Variants in SCHIP1 observed in about 807,000 individuals in gnomAD.
SCHIP1 encodes schwannomin interacting protein 1.
A neutral mutation model predicts 29.7 loss-of-function variants in SCHIP1; 8 were observed. The observed-to-expected ratio is 0.27, with a 90% CI of 0.16 to 0.49. The LOEUF is 0.49. Among genes scored for constraint, SCHIP1 ranks in the 20% least tolerant of loss-of-function variants. SCHIP1 has a pLI of 0.99. For synonymous variants in SCHIP1, 76 were observed against 94.9 expected (o/e 0.80, Z 1.16); for missense variants, 193 against 294.6 (o/e 0.66, Z 2.52).
At chr3:159,771,137 C>T in the SCHIP1 span, among the ~76,000 whole-genome samples, 1 of 152,184 alleles carries the variant, frequency 6.6e-6, no homozygotes, top group East Asian at 1.9e-4. Flanking sequence ...ACCTACATTT[C>T]TTCCTAGAAT....
chr3:159,681,581 A>G, the SCHIP1 span, among the ~76,000 whole-genome samples: 1 of 152,218 alleles, frequency 6.6e-6, no homozygotes, highest in Non-Finnish European at 1.5e-5. Context: ...AACATTACCC[A>G]TATTACCTTA....
the SCHIP1 span, among the ~76,000 whole-genome samples, chr3:159,446,273 A>G: frequency 1.3e-5 from 2 of 152,130 alleles, no homozygotes; most frequent in Admixed American, 1.3e-4. Flanking sequence ...GGTATCTCTC[A>G]GGCAATAAAC....
intron 1 of SCHIP1, among the ~76,000 whole-genome samples, chr3:159,842,997 CTTTCTT>C (rs1423429109): frequency 0.053 from 3,264 of 61,540 alleles, 337 homozygotes; most frequent in Middle Eastern, 0.1. Context: ...CCCAATATTT[CTTTCTT>C]TTTTTTTTTT....
the SCHIP1 span, among the ~76,000 whole-genome samples, chr3:159,529,843 G>A: frequency 6.6e-6 from 1 of 152,084 alleles, no homozygotes; most frequent in Non-Finnish European, 1.5e-5. Context: ...ACATATGAGT[G>A]AGAGCATGAA....
the SCHIP1 span, among the ~76,000 whole-genome samples, chr3:159,402,258 G>A: frequency 0.034 from 5,213 of 151,974 alleles, 114 homozygotes; most frequent in East Asian, 0.1. Flanking sequence ...TTAGAATGGC[G>A]ATCGTTAAAA....
At chr3:159,805,299 C>T in the SCHIP1 span, among the ~76,000 whole-genome samples, 114,059 of 152,106 alleles carry the variant, frequency 0.75, 43,732 homozygotes, top group East Asian at 0.99. Context: ...ACTGGGGCTC[C>T]TAGCCTGACT....
chr3:159,508,057 T>G, the SCHIP1 span, among the ~76,000 whole-genome samples: 1 of 152,210 alleles, frequency 6.6e-6, no homozygotes, highest in African/African-American at 2.4e-5. Flanking sequence ...AGCTCCTCCT[T>G]GTACCTCTGG....
At chr3:159,314,766 T>C in the SCHIP1 span, among the ~76,000 whole-genome samples, 1 of 152,224 alleles carries the variant, frequency 6.6e-6, no homozygotes, top group Admixed American at 6.5e-5. Context: ...CGAGCAATAG[T>C]AAATTTCTTT....
At chr3:159,287,623 C>T in the SCHIP1 span, among the ~76,000 whole-genome samples, 11 of 152,040 alleles carry the variant, frequency 7.2e-5, no homozygotes, top group Admixed American at 5.2e-4. Context: ...ATATGCTAAG[C>T]GTTCGTCTAA....
At chr3:159,483,329 G>C in the SCHIP1 span, among the ~76,000 whole-genome samples, 1 of 152,164 alleles carries the variant, frequency 6.6e-6, no homozygotes, top group Non-Finnish European at 1.5e-5. Flanking sequence ...ACAGAAAGCA[G>C]TGGGAGAAAC....
At chr3:159,504,128 G>A in the SCHIP1 span, among the ~76,000 whole-genome samples, 1 of 152,122 alleles carries the variant, frequency 6.6e-6, no homozygotes, top group Admixed American at 6.6e-5. Flanking sequence ...AGAGGAGAGA[G>A]GACAGAGCAC....
the SCHIP1 span, among the ~76,000 whole-genome samples, chr3:159,471,154 A>G: frequency 6.6e-6 from 1 of 152,206 alleles, no homozygotes. Context: ...AAAAATAAAA[A>G]GTGAACCATT....
At chr3:159,273,525 G>C in the SCHIP1 span, 1 of 1,179,930 alleles carries the variant, frequency 8.5e-7, no homozygotes, top group Admixed American at 4.2e-5. Flanking sequence ...TGTCTTCTCT[G>C]TGTGTTTTAT....
chr3:159,279,271 C>A, the SCHIP1 span, among the ~76,000 whole-genome samples: 1 of 152,138 alleles, frequency 6.6e-6, no homozygotes, highest in Non-Finnish European at 1.5e-5. Flanking sequence ...AGTTCCCCTG[C>A]ACACACGCTC....
At chr3:159,826,418 G>A in the SCHIP1 span, among the ~76,000 whole-genome samples, 60 of 152,198 alleles carry the variant, frequency 3.9e-4, no homozygotes, top group Non-Finnish European at 1.5e-4. Flanking sequence ...CATAGCCCAA[G>A]TAGCTTAAAC....
chr3:159,851,559 C>CTGTTGTTA (rs11282081), intron 1 of SCHIP1, among the ~76,000 whole-genome samples: 148,739 of 152,202 alleles, frequency 0.98, 72,692 homozygotes, highest in East Asian at 1. Flanking sequence ...TAAAGGGTAG[C>CTGTTGTTA]TGTTAATATA....
At chr3:159,376,185 T>G in the SCHIP1 span, among the ~76,000 whole-genome samples, 2 of 152,198 alleles carry the variant, frequency 1.3e-5, no homozygotes, top group African/African-American at 4.8e-5. Context: ...AGAAAAAGGC[T>G]ACTTACTTCA....
chr3:159,696,898 A>G, the SCHIP1 span, among the ~76,000 whole-genome samples: 5 of 152,246 alleles, frequency 3.3e-5, no homozygotes, highest in African/African-American at 1.2e-4. Context: ...TAATGGAGAA[A>G]GGTAGGGCAC....
At chr3:159,540,162 T>A in the SCHIP1 span, among the ~76,000 whole-genome samples, 1 of 152,218 alleles carries the variant, frequency 6.6e-6, no homozygotes, top group African/African-American at 2.4e-5. Context: ...CGTTGCATTA[T>A]ATCATATCCT....
Sources: allele counts gnomAD v4.1 joint callset (sites outside exome capture counted in the v4.1 genomes callset), GRCh38; gene constraint gnomAD v4.1.1; transcripts MANE v1.5; gene names NCBI Gene and HGNC (gene_info 2026-07-23, HGNC 2026-07-21).